Variants in RXRA observed in about 807,000 individuals in gnomAD.
RXRA encodes the protein retinoid X receptor alpha, also known as retinoic acid receptor RXR-alpha.
A neutral mutation model predicts 44.5 loss-of-function variants in RXRA; 5 were observed. That is an observed-to-expected ratio of 0.11 (90% CI 0.06 to 0.24). The LOEUF (loss-of-function observed/expected upper bound fraction) is 0.24, where lower values mean the gene tolerates loss of function less well. Among genes scored for constraint, RXRA ranks in the 10% least tolerant of loss-of-function variants. The probability of loss-of-function intolerance (pLI) is 1.00; values close to 1 mark genes in which losing one functional copy is unlikely to be tolerated. For missense variants in RXRA, 412 were observed against 646.5 expected (o/e 0.64, Z 3.93); for synonymous variants, 291 against 271.4 (o/e 1.07, Z -0.71).
At chr9:134,356,320 T>C (rs7864987) in intron 1 of RXRA, among the ~76,000 whole-genome samples, 50,637 of 151,974 alleles carry the variant, frequency 0.33, 10,311 homozygotes, top group African/African-American at 0.58. Flanking sequence ...CTCTCCTCAT[T>C]GGTAAAAAGC....
chr9:134,429,423 T>C (rs1831492374), intron 7 of RXRA, among the ~76,000 whole-genome samples, 183 bp downstream of exon 7: 1 of 152,256 alleles, frequency 6.6e-6, no homozygotes, highest in Admixed American at 6.5e-5. Context: ...CAGCCCTGCC[T>C]CTGGGGCATC....
intron 1 of RXRA, among the ~76,000 whole-genome samples, chr9:134,394,754 T>A (rs571154506): frequency 6.6e-6 from 1 of 152,266 alleles, no homozygotes; most frequent in Admixed American, 6.5e-5. Flanking sequence ...TCTCCCCTTG[T>A]GCCAGCCCCT....
In RXRA at chr9:134,433,616, G is replaced by A. The variant is rs34986018; in HGVS notation, c.1136-486G>A. Reference sequence around the variant, plus strand: ...CTGTCCACTCTAGGCTCTTGAGCCCGGGTCCTGAGCTCAGGACTCCGCAAG... The same window carrying A: ...CTGTCCACTCTAGGCTCTTGAGCCCAGGTCCTGAGCTCAGGACTCCGCAAG... On this transcript the variant is annotated intron_variant, in intron 8 of 9. Coordinates refer to ENST00000481739, the MANE Select transcript of RXRA (RefSeq NM_002957.6). This position sits in a 1 kb window ranked among gnomAD's most constrained non-coding sequence, Gnocchi z 4.2. 0.012 allele frequency among the ~76,000 whole-genome samples: 1,760 copies of A among 150,880 alleles called. 31 individuals carry two copies. The highest frequency in any genetic ancestry group is 0.041 in the African/African-American group (1,647 of 40,362).
At chr9:134,372,462 G>T (rs1009703190) in intron 1 of RXRA, among the ~76,000 whole-genome samples, 2 of 152,178 alleles carry the variant, frequency 1.3e-5, no homozygotes, top group Admixed American at 1.3e-4. Flanking sequence ...ACTGTCCCGT[G>T]AGGGGAGACA....
chr9:134,339,797 G>A (rs916190622), intron 1 of RXRA, among the ~76,000 whole-genome samples: 6 of 149,096 alleles, frequency 4.0e-5, no homozygotes, highest in African/African-American at 1.5e-4. Context: ...CTGTGTGTAT[G>A]AGTCTGTGTG....
At chr9:134,379,227 TGATCCCTGTGG>T (rs112170486) in intron 1 of RXRA, 19,663 of 981,162 alleles carry the variant, frequency 0.02, 448 homozygotes, top group African/African-American at 0.1. Flanking sequence ...GGGCCTTTCC[TGATCCCTGTGG>T]GCTCCCTGAG....
At chr9:134,404,137 AC>A (rs1831010007) in intron 2 of RXRA, 1 of 152,228 alleles carries the variant, frequency 6.6e-6, no homozygotes, top group Admixed American at 6.5e-5. Flanking sequence ...CAAAACCACA[AC>A]CGCAAAGTCA....
chr9:134,416,176 AGGCTGACAGAGG>A (rs1226424640), intron 4 of RXRA, among the ~76,000 whole-genome samples: 2 of 152,150 alleles, frequency 1.3e-5, no homozygotes, highest in African/African-American at 2.4e-5. Flanking sequence ...ATCCCCAGAT[AGGCTGACAGAGG>A]GGCTGAGGTG....
At chr9:134,372,325 T>G (rs1412475626) in intron 1 of RXRA, among the ~76,000 whole-genome samples, 1 of 152,052 alleles carries the variant, frequency 6.6e-6, no homozygotes, top group Non-Finnish European at 1.5e-5. Flanking sequence ...GAGGGCCTCC[T>G]GGATGCTGGC....
chr9:134,425,816 G>T, intron 6 of RXRA: 1 of 985,426 alleles, frequency 1.0e-6, no homozygotes, highest in Non-Finnish European at 1.2e-6. Flanking sequence ...GTGACTCTGG[G>T]GGGGCCCTGC....
intron 1 of RXRA, among the ~76,000 whole-genome samples, chr9:134,385,521 C>T (rs767372206): frequency 4.6e-5 from 7 of 152,210 alleles, no homozygotes; most frequent in South Asian, 2.1e-4. Flanking sequence ...GCGTCCCCCA[C>T]GCCCCCACAG....
At chr9:134,350,285 C>T (rs909572338) in intron 1 of RXRA, among the ~76,000 whole-genome samples, 2 of 152,154 alleles carry the variant, frequency 1.3e-5, no homozygotes, top group Non-Finnish European at 2.9e-5. Flanking sequence ...GGCCTGAACA[C>T]AGTGCTGGCA....
At chr9:134,412,073 CCT>C (rs1361949742) in intron 4 of RXRA, among the ~76,000 whole-genome samples, 1 of 152,218 alleles carries the variant, frequency 6.6e-6, no homozygotes, top group African/African-American at 2.4e-5. Context: ...AGAGCACTCC[CCT>C]CTCTCCTCTT....
intron 1 of RXRA, among the ~76,000 whole-genome samples, chr9:134,391,728 A>G (rs1830802742): frequency 6.6e-6 from 1 of 152,172 alleles, no homozygotes; most frequent in Non-Finnish European, 1.5e-5. Context: ...TGGAACTCTC[A>G]GGGCTCATGG....
At chr9:134,377,863 G>T (rs1830582009) in intron 1 of RXRA, among the ~76,000 whole-genome samples, 1 of 152,222 alleles carries the variant, frequency 6.6e-6, no homozygotes, top group Non-Finnish European at 1.5e-5. Context: ...AACCAGTATG[G>T]GGGACGTTGC....
chr9:134,346,172 C>T (rs1215445437), intron 1 of RXRA, among the ~76,000 whole-genome samples: 6 of 152,136 alleles, frequency 3.9e-5, no homozygotes, highest in Non-Finnish European at 5.9e-5. Flanking sequence ...AGGACCATGC[C>T]GCCCTCCTCT....
At chr9:134,398,495 A>G (rs537021100) in intron 1 of RXRA, among the ~76,000 whole-genome samples, 4 of 151,566 alleles carry the variant, frequency 2.6e-5, no homozygotes, top group South Asian at 4.2e-4. Flanking sequence ...CACCCAGCCT[A>G]TTGTCACCCA....
In RXRA at chr9:134,426,236, C is replaced by T. The variant is rs907667201; in HGVS notation, c.911-2872C>T. ...TCCTCCTTCTGAAAGGCCAGCGCAC[C>T]CTGAGCCGTTTAAAGCTGTGTCCGT... On this transcript the variant is annotated intron_variant, in intron 6 of 9. Coordinates refer to ENST00000481739, the MANE Select transcript of RXRA (RefSeq NM_002957.6). This position sits in a 1 kb window ranked among gnomAD's most constrained non-coding sequence, Gnocchi z 4.6. The T allele has an allele frequency of 4.1e-6, 4 of 985,304 alleles. No individual in the cohort carries two copies. Among genetic ancestry groups the T allele is most frequent in the Admixed American group, 6.2e-5 (1 of 16,252 alleles). 61.0% of individuals were successfully genotyped at this position (985,304 alleles called of 1,614,324 possible).
chr9:134,336,723 A>G (rs930512137), intron 1 of RXRA, among the ~76,000 whole-genome samples: 33 of 152,216 alleles, frequency 2.2e-4, no homozygotes, highest in Admixed American at 6.5e-4. Flanking sequence ...GGTGCCATAT[A>G]AGCCTCATGA....
Sources: allele counts gnomAD v4.1 joint callset (sites outside exome capture counted in the v4.1 genomes callset), GRCh38; gene constraint gnomAD v4.1.1; non-coding constraint Gnocchi (gnomAD v3.1); transcripts MANE v1.5; gene names NCBI Gene and HGNC (gene_info 2026-07-23, HGNC 2026-07-21).